Variants in LPAR1 observed in about 807,000 individuals in gnomAD.
The protein encoded by LPAR1 is LPA receptor 1.
LPAR1 carries 5 observed loss-of-function variants against 23.8 expected under a neutral mutation model. The observed-to-expected ratio is 0.21, with a 90% CI of 0.11 to 0.44. The LOEUF (loss-of-function observed/expected upper bound fraction) is 0.44, where lower values mean the gene tolerates loss of function less well. Among genes scored for constraint, LPAR1 ranks in the 20% least tolerant of loss-of-function variants. The probability of loss-of-function intolerance (pLI) is 0.99; values close to 1 mark genes in which losing one functional copy is unlikely to be tolerated. For missense variants in LPAR1, 311 were observed against 482.8 expected (o/e 0.64, Z 3.33); for synonymous variants, 160 against 164.7 (o/e 0.97, Z 0.22).
intron 2 of LPAR1, among the ~76,000 whole-genome samples, chr9:111,035,364 C>T (rs998480450): frequency 4.6e-5 from 7 of 152,026 alleles, no homozygotes; most frequent in Non-Finnish European, 8.8e-5. Flanking sequence ...TGAGACTACA[C>T]GCACATGCCA....
intron 4 of LPAR1, among the ~76,000 whole-genome samples, chr9:110,951,365 A>AGTAG (rs2136660181): frequency 6.6e-6 from 1 of 152,300 alleles, no homozygotes; most frequent in African/African-American, 2.4e-5. Context: ...AAACTAAATT[A>AGTAG]GTAGAAACTT....
intron 5 of LPAR1, among the ~76,000 whole-genome samples, chr9:110,940,329 T>A (rs2095012411): frequency 6.6e-6 from 1 of 152,200 alleles, no homozygotes; most frequent in Non-Finnish European, 1.5e-5. Flanking sequence ...CTCCTTCCAG[T>A]GGCTAAAATT....
intron 4 of LPAR1, among the ~76,000 whole-genome samples, chr9:110,949,521 C>T (rs1325740396): frequency 6.6e-6 from 1 of 152,150 alleles, no homozygotes; most frequent in Non-Finnish European, 1.5e-5. Flanking sequence ...CTCTCCAGTG[C>T]CTCCACTCCC....
intron 2 of LPAR1, among the ~76,000 whole-genome samples, chr9:110,974,982 C>T (rs1304904097): frequency 1.3e-5 from 2 of 152,082 alleles, no homozygotes; most frequent in Non-Finnish European, 1.5e-5. Context: ...TTTTTGCCCA[C>T]TCCTACTTTC....
intron 2 of LPAR1, among the ~76,000 whole-genome samples, chr9:111,019,977 C>A (rs2097532742): frequency 6.6e-6 from 1 of 152,182 alleles, no homozygotes; most frequent in Non-Finnish European, 1.5e-5. Flanking sequence ...GGCTTGCAGA[C>A]AGCTGTCTTT....
intron 5 of LPAR1, among the ~76,000 whole-genome samples, chr9:110,889,042 T>C (rs1273113417): frequency 6.6e-6 from 1 of 152,186 alleles, no homozygotes; most frequent in Non-Finnish European, 1.5e-5. Flanking sequence ...GCTATGGGCA[T>C]GAATTAGTAT....
intron 2 of LPAR1, among the ~76,000 whole-genome samples, chr9:111,013,036 T>C (rs147747761): frequency 6.6e-6 from 1 of 152,132 alleles, no homozygotes; most frequent in African/African-American, 2.4e-5. Context: ...AAACTCGTCA[T>C]GAAAATCGCT....
intron 2 of LPAR1, among the ~76,000 whole-genome samples, chr9:110,977,818 GGGCGGGAGGGAGGGAGGGAAGGAA>G (rs1339526782): frequency 2.3e-3 from 71 of 31,302 alleles, no homozygotes; most frequent in Non-Finnish European, 3.5e-3. Context: ...GAGGGAGGGA[GGGCGGGAGGGAGGGAGGGAAGGAA>G]GGAGGGAAGG....
At chr9:111,033,843 G>A (rs1233699297) in intron 2 of LPAR1, among the ~76,000 whole-genome samples, 4 of 152,144 alleles carry the variant, frequency 2.6e-5, no homozygotes, top group African/African-American at 9.7e-5. Context: ...ATGAGCCGCC[G>A]TGCCCAGCCT....
chr9:110,992,907 T>C (rs938558236), intron 2 of LPAR1, among the ~76,000 whole-genome samples: 5 of 152,296 alleles, frequency 3.3e-5, no homozygotes, highest in South Asian at 2.1e-4. Context: ...ACCATCTTCA[T>C]TGCAGTGATA....
At chr9:110,892,826 A>AAGGCAGGCAGGCAGGCAGGCAGGCAGGC (rs1167070374) in intron 5 of LPAR1, among the ~76,000 whole-genome samples, 2 of 65,430 alleles carry the variant, frequency 3.1e-5, no homozygotes, top group African/African-American at 8.1e-5. Context: ...GGAAGGAAGG[A>AAGGCAGGCAGGCAGGCAGGCAGGCAGGC]AGGCAGGCAG....
intron 4 of LPAR1, among the ~76,000 whole-genome samples, chr9:110,942,895 A>G (rs533249084): frequency 3.9e-5 from 6 of 152,170 alleles, no homozygotes; most frequent in Admixed American, 1.3e-4. Flanking sequence ...AATGTTCTAC[A>G]AGTAAAATAT....
At chr9:110,973,279 AC>A (rs1351854084) in intron 3 of LPAR1, among the ~76,000 whole-genome samples, 1 of 152,146 alleles carries the variant, frequency 6.6e-6, no homozygotes, top group Non-Finnish European at 1.5e-5. Flanking sequence ...ACCCCGTCCA[AC>A]CCCACCTATT....
At chr9:110,933,109 C>A (rs1320094478) in intron 5 of LPAR1, among the ~76,000 whole-genome samples, 1 of 152,150 alleles carries the variant, frequency 6.6e-6, no homozygotes, top group African/African-American at 2.4e-5. Flanking sequence ...ATACATAGGG[C>A]TGAGGCTCAA....
At chr9:110,880,904 T>C (rs956787229) in intron 5 of LPAR1, among the ~76,000 whole-genome samples, 1 of 152,190 alleles carries the variant, frequency 6.6e-6, no homozygotes, top group Admixed American at 6.5e-5. Flanking sequence ...ACATACTACA[T>C]AGTTAGCTAG....
At chr9:110,976,552 C>A (rs541486235) in intron 2 of LPAR1, among the ~76,000 whole-genome samples, 1 of 152,192 alleles carries the variant, frequency 6.6e-6, no homozygotes, top group East Asian at 1.9e-4. Context: ...TTCTGCAACT[C>A]TTCCAACCTG....
intron 2 of LPAR1, among the ~76,000 whole-genome samples, chr9:110,997,349 TGC>T (rs1299438395): frequency 6.6e-6 from 1 of 152,172 alleles, no homozygotes; most frequent in East Asian, 1.9e-4. Flanking sequence ...CAAAACTGAG[TGC>T]AAAATTTTAC....
intron 5 of LPAR1, among the ~76,000 whole-genome samples, chr9:110,878,812 G>A (rs10980608): frequency 0.035 from 5,397 of 152,282 alleles, 131 homozygotes; most frequent in Middle Eastern, 0.065. Context: ...ATGTGAAAAT[G>A]TGTTTTGGAC....
intron 2 of LPAR1, among the ~76,000 whole-genome samples, chr9:111,018,988 G>A (rs1045044408): frequency 6.6e-6 from 1 of 152,112 alleles, no homozygotes; most frequent in Non-Finnish European, 1.5e-5. Flanking sequence ...AAAACAATCA[G>A]TAGAAATAAA....
Sources: allele counts gnomAD v4.1 joint callset (sites outside exome capture counted in the v4.1 genomes callset), GRCh38; gene constraint gnomAD v4.1.1; transcripts MANE v1.5; gene names NCBI Gene and HGNC (gene_info 2026-07-23, HGNC 2026-07-21).